SYT10: variants seen among roughly 807,000 people sequenced by gnomAD.
SYT10 encodes synaptotagmin-10.
A neutral mutation model predicts 51.1 loss-of-function variants in SYT10; 31 were observed. The observed-to-expected ratio is 0.61, with a 90% CI of 0.46 to 0.82. The LOEUF (loss-of-function observed/expected upper bound fraction) is 0.82. Among genes scored for constraint, SYT10 ranks in the 40% least tolerant of loss-of-function variants. The pLI is 0.00. For synonymous variants in SYT10, 233 were observed against 225.9 expected (o/e 1.03, Z -0.28); for missense variants, 603 against 634.0 (o/e 0.95, Z 0.53).
chr12:33,386,637 A>G (rs1445945812), intron 3 of SYT10, among the ~76,000 whole-genome samples: 1 of 151,730 alleles, frequency 6.6e-6, no homozygotes, highest in Non-Finnish European at 1.5e-5. Flanking sequence ...CATATCCTAT[A>G]CTCACCTCAC....
intron 2 of SYT10, among the ~76,000 whole-genome samples, chr12:33,409,877 A>C (rs1367438186): frequency 6.6e-6 from 1 of 152,164 alleles, no homozygotes; most frequent in Non-Finnish European, 1.5e-5. Context: ...TAGGGTAAAG[A>C]TGGATTAAGG....
rs369419995 is a variant in SYT10 at position 33,379,963 on chromosome 12, T to G, written c.1371-2A>C. The G allele has an allele frequency of 1.6e-5, 25 of 1,595,364 alleles. No individual in the cohort carries two copies. The highest frequency in any genetic ancestry group is 2.1e-5 in the Non-Finnish European group (24 of 1,169,800). On this transcript the variant is annotated splice_acceptor_variant, in intron 5 of 6. Coordinates refer to ENST00000228567, the MANE Select transcript of SYT10 (RefSeq NM_198992.4). LOFTEE classifies it high-confidence loss of function. ...CCTATGACCTCATTGTGTCCTACCC[T>G]ATGATTTGTGGGATATTATATTTTC...
At position 33,426,006 on chromosome 12, in the gene SYT10, C is replaced by T. The variant is rs975846018; in HGVS notation, c.509+132G>A. 1.0e-5 allele frequency: 9 copies of T among 892,004 alleles called. No individual in the cohort carries two copies. The Admixed American group carries it at 2.2e-4, about 22-fold the overall frequency. 55.3% of individuals were successfully genotyped at this position (892,004 alleles called of 1,614,324 possible). A position where few individuals can be genotyped will look rare whatever the true frequency, so the allele number is the denominator to read the frequency against. On this transcript the variant is annotated intron_variant, in intron 2 of 6. Transcript: ENST00000228567. The stretch of plus-strand genomic sequence containing the variant: ...TTAATTATCTATTTCCTATGTCTTT[C>T]CCATTTCTCCTGTTTCTCTTTTCTC...
chr12:33,396,891 G>A (rs1866261103), intron 3 of SYT10, among the ~76,000 whole-genome samples: 1 of 152,092 alleles, frequency 6.6e-6, no homozygotes. Flanking sequence ...ACTCACCTCG[G>A]CCTCCCAAAG....
intron 3 of SYT10, among the ~76,000 whole-genome samples, chr12:33,391,065 TAGCTGGG>T (rs1331175946): frequency 6.6e-6 from 1 of 152,092 alleles, no homozygotes; most frequent in African/African-American, 2.4e-5. Context: ...GCCTCCTGAG[TAGCTGGG>T]ATTACAGGCA....
Position 33,375,955 on chromosome 12 carries a change from A to G in SYT10, c.*875T>C, listed in dbSNP as rs1866058496. The G allele has an allele frequency of 6.6e-6, 1 of 152,544 alleles. No homozygotes were observed. Among genetic ancestry groups the G allele is most frequent in the African/African-American group, 2.4e-5 (1 of 41,430 alleles). 9.4% of individuals were successfully genotyped at this position (152,544 alleles called of 1,614,324 possible). A position where few individuals can be genotyped will look rare whatever the true frequency, so the allele number is the denominator to read the frequency against. The stretch of plus-strand genomic sequence containing the variant: ...TCAAGTCACAAAAAATACACGTCAC[A>G]AAAAAATACATGTCACAGTACTTGA... On this transcript the variant is annotated 3_prime_UTR_variant, in exon 7 of 7. Coordinates refer to ENST00000228567, the MANE Select transcript of SYT10 (RefSeq NM_198992.4).
intron 3 of SYT10, among the ~76,000 whole-genome samples, chr12:33,399,906 C>G (rs1173555460): frequency 1.3e-5 from 2 of 152,146 alleles, no homozygotes; most frequent in Non-Finnish European, 2.9e-5. Flanking sequence ...GACGTGTAAT[C>G]TGTGACACAC....
intron 2 of SYT10, 130 bp from the exon 3 acceptor site, chr12:33,407,486 C>A (rs1591990415): frequency 3.6e-6 from 3 of 839,080 alleles, no homozygotes; most frequent in East Asian, 5.4e-5. Context: ...TAGATAGACA[C>A]ATACATATAA....
intron 6 of SYT10, among the ~76,000 whole-genome samples, chr12:33,378,176 T>C (rs953314684): frequency 6.6e-6 from 1 of 152,180 alleles, no homozygotes; most frequent in Non-Finnish European, 1.5e-5. Flanking sequence ...ATTTACACAA[T>C]CTTGTTCTCA....
intron 3 of SYT10, among the ~76,000 whole-genome samples, chr12:33,401,914 C>G (rs1866310480): frequency 6.6e-6 from 1 of 152,196 alleles, no homozygotes; most frequent in South Asian, 2.1e-4. Flanking sequence ...ATGATTTCTG[C>G]TTTCCAGAAG....
chr12:33,380,909 C>CT (rs370573840), intron 5 of SYT10, among the ~76,000 whole-genome samples: 4 of 152,150 alleles, frequency 2.6e-5, no homozygotes, highest in South Asian at 4.1e-4. Flanking sequence ...AATTTCATTA[C>CT]TTTTTTTTCC....
chr12:33,408,655 C>T (rs1866379898), intron 2 of SYT10, among the ~76,000 whole-genome samples: 1 of 152,158 alleles, frequency 6.6e-6, no homozygotes, highest in African/African-American at 2.4e-5. Context: ...CTGATGGTTT[C>T]TCAGATAAAT....
At chr12:33,398,054 A>C (rs1357720069) in intron 3 of SYT10, among the ~76,000 whole-genome samples, 3 of 152,250 alleles carry the variant, frequency 2.0e-5, no homozygotes, top group South Asian at 2.1e-4. Context: ...AGGCAGTGGA[A>C]TAGGGTGTTC....
At chr12:33,398,733 A>G (rs1866278505) in intron 3 of SYT10, among the ~76,000 whole-genome samples, 1 of 152,154 alleles carries the variant, frequency 6.6e-6, no homozygotes, top group South Asian at 2.1e-4. Flanking sequence ...ACAAAAACCT[A>G]CCATAAAATA....
chr12:33,419,016 A>G (rs1277219165), intron 2 of SYT10, among the ~76,000 whole-genome samples: 1 of 152,062 alleles, frequency 6.6e-6, no homozygotes, highest in Non-Finnish European at 1.5e-5. Flanking sequence ...AACATGTAGC[A>G]CGGGTTCTAG....
chr12:33,381,629 T>G (rs1184656571), intron 5 of SYT10, among the ~76,000 whole-genome samples: 1 of 151,906 alleles, frequency 6.6e-6, no homozygotes, highest in Non-Finnish European at 1.5e-5. Context: ...AGCCAGGCTG[T>G]GGGGTGTTGG....
chr12:33,390,001 G>A (rs1591983621), intron 3 of SYT10, among the ~76,000 whole-genome samples: 1 of 152,224 alleles, frequency 6.6e-6, no homozygotes, highest in East Asian at 1.9e-4. Flanking sequence ...GGTATAACAT[G>A]AGGTGCTCAA....
In SYT10 at chr12:33,412,914, CA is replaced by C. The variant is rs59341297; in HGVS notation, c.510-5559del. On this transcript the variant is annotated intron_variant, in intron 2 of 6. Coordinates refer to ENST00000228567, the MANE Select transcript of SYT10 (RefSeq NM_198992.4). ...CTAAAGGAGGAAGTTCGAACCCATC[CA>C]AAAAAACTAAAAACCTTGAAAAAAG... 2.4e-3 allele frequency among the ~76,000 whole-genome samples: 359 copies of C among 151,994 alleles called. 7 individuals are homozygous for C. The East Asian group carries it at 0.057, about 24-fold the overall frequency.
chr12:33,406,136 T>C (rs944387841), intron 3 of SYT10, among the ~76,000 whole-genome samples: 1 of 152,112 alleles, frequency 6.6e-6, no homozygotes, highest in Non-Finnish European at 1.5e-5. Context: ...TTTTATGCTA[T>C]GTGTTTTTAC....
Sources: allele counts gnomAD v4.1 joint callset (sites outside exome capture counted in the v4.1 genomes callset), GRCh38; gene constraint gnomAD v4.1.1; transcripts MANE v1.5; gene names NCBI Gene and HGNC (gene_info 2026-07-23, HGNC 2026-07-21).